The following PTPRT variants were observed in gnomAD, a reference collection of about 807,000 sequenced individuals.
The protein encoded by PTPRT is receptor-type tyrosine-protein phosphatase T.
A neutral mutation model predicts 176.8 loss-of-function variants in PTPRT; 56 were observed. The observed-to-expected ratio is 0.32, with a 90% CI of 0.26 to 0.40. PTPRT has a LOEUF of 0.40. PTPRT is among the 10% of genes least tolerant of loss of function. PTPRT has a pLI of 1.00. For missense variants in PTPRT, 1,540 were observed against 1,908.2 expected, an observed-to-expected ratio of 0.81 and a Z score of 3.60; for synonymous variants, 783 against 739.0, an observed-to-expected ratio of 1.06 and a Z score of -0.96.
At chr20:42,177,306 T>C (rs1482567515) in intron 16 of PTPRT, among the ~76,000 whole-genome samples, 1 of 152,202 alleles carries the variant, frequency 6.6e-6, no homozygotes, top group Non-Finnish European at 1.5e-5. Context: ...AGTTAAAAGA[T>C]ACAATGTGTT....
At chr20:42,503,111 GT>G (rs1029252178) in intron 7 of PTPRT, among the ~76,000 whole-genome samples, 3 of 151,810 alleles carry the variant, frequency 2.0e-5, no homozygotes, top group Non-Finnish European at 4.4e-5. Context: ...AGTTTGGTGT[GT>G]TTTTTTATGC....
intron 9 of PTPRT, among the ~76,000 whole-genome samples, chr20:42,404,569 G>GTA (rs2058941521): frequency 6.6e-6 from 1 of 152,124 alleles, no homozygotes. Flanking sequence ...AATTCAAGCT[G>GTA]TATGACTTTA....
chr20:42,339,569 T>C (rs2058084810), intron 11 of PTPRT, among the ~76,000 whole-genome samples: 3 of 152,118 alleles, frequency 2.0e-5, no homozygotes, highest in African/African-American at 4.8e-5. Flanking sequence ...CCTGTACAGG[T>C]TCCTTTCTCC....
At chr20:43,179,504 AACTTAGAT>A (rs2015197164) in intron 1 of PTPRT, among the ~76,000 whole-genome samples, 1 of 152,194 alleles carries the variant, frequency 6.6e-6, no homozygotes, top group East Asian at 1.9e-4. Flanking sequence ...GTTTTTGTGG[AACTTAGAT>A]ACCAGTGTAA....
intron 1 of PTPRT, among the ~76,000 whole-genome samples, chr20:42,910,373 C>A (rs1303769600): frequency 2.0e-5 from 3 of 152,204 alleles, no homozygotes; most frequent in African/African-American, 7.2e-5. Flanking sequence ...AAACAGCAAC[C>A]AGCTCAGTGG....
chr20:43,145,789 C>T (rs2014150970), intron 1 of PTPRT, among the ~76,000 whole-genome samples: 1 of 152,172 alleles, frequency 6.6e-6, no homozygotes, highest in Admixed American at 6.5e-5. Flanking sequence ...TACAATGTGT[C>T]TAATTATAAC....
intron 13 of PTPRT, among the ~76,000 whole-genome samples, chr20:42,256,522 A>G (rs1272687565): frequency 6.6e-6 from 1 of 151,916 alleles, no homozygotes; most frequent in Non-Finnish European, 1.5e-5. Flanking sequence ...AATGTATTTC[A>G]GATACTTTAC....
chr20:42,279,081 T>C (rs1463057422), intron 13 of PTPRT, among the ~76,000 whole-genome samples: 4 of 152,066 alleles, frequency 2.6e-5, no homozygotes, highest in African/African-American at 9.7e-5. Context: ...CCTTTCAGAG[T>C]CTGAATAATA....
intron 7 of PTPRT, among the ~76,000 whole-genome samples, chr20:42,523,063 G>A (rs995311189): frequency 1.3e-5 from 2 of 152,042 alleles, no homozygotes; most frequent in Non-Finnish European, 2.9e-5. Context: ...AGAGTCCACA[G>A]GGCCTAGACT....
In PTPRT at chr20:43,044,885, T is replaced by C. The variant is rs186088915; in HGVS notation, c.88+144761A>G. Among the ~76,000 whole-genome samples the C allele has an allele frequency of 2.1e-4, 32 of 152,344 alleles. No individual in the cohort carries two copies. In the East Asian group the frequency reaches 4.6e-3, roughly 22 times the overall value. ...GCTGCAGTGTAAAGGCTTTTTGCTT[T>C]TAACTACTCAAAATCAAATTGGTAT... On this transcript the variant is annotated intron_variant, in intron 1 of 30. Transcript: ENST00000373187.
intron 1 of PTPRT, among the ~76,000 whole-genome samples, chr20:43,109,830 C>T (rs112952740): frequency 0.012 from 1,780 of 152,146 alleles, 27 homozygotes; most frequent in Non-Finnish European, 0.019. Context: ...TAAGTATGTG[C>T]AAAGGTCCTG....
At chr20:42,103,161 G>A (rs1381473985) in intron 25 of PTPRT, among the ~76,000 whole-genome samples, 1 of 152,192 alleles carries the variant, frequency 6.6e-6, no homozygotes, top group Non-Finnish European at 1.5e-5. Context: ...CTGGTCTTGG[G>A]ATAAAGGGCT....
intron 1 of PTPRT, among the ~76,000 whole-genome samples, chr20:43,055,959 G>A (rs754924748): frequency 9.2e-5 from 14 of 152,160 alleles, no homozygotes; most frequent in Non-Finnish European, 2.9e-5. Flanking sequence ...CCATGTGTCC[G>A]AAACCAGTAA....
At chr20:42,035,666 C>A in the PTPRT span, among the ~76,000 whole-genome samples, 2 of 152,154 alleles carry the variant, frequency 1.3e-5, no homozygotes, top group Non-Finnish European at 2.9e-5. Flanking sequence ...CCACTTTCCT[C>A]TGGTCAGTAA....
At chr20:42,699,150 G>A (rs928982897) in intron 6 of PTPRT, among the ~76,000 whole-genome samples, 4 of 152,034 alleles carry the variant, frequency 2.6e-5, no homozygotes, top group Non-Finnish European at 4.4e-5. Flanking sequence ...ATACTCCCAC[G>A]GAATCCTTAG....
chr20:42,383,287 G>A (rs2058713533), intron 9 of PTPRT, among the ~76,000 whole-genome samples: 1 of 152,138 alleles, frequency 6.6e-6, no homozygotes, highest in Non-Finnish European at 1.5e-5. Flanking sequence ...ATTTTTGAGG[G>A]TAGACATTCT....
intron 2 of PTPRT, among the ~76,000 whole-genome samples, chr20:42,833,568 G>T (rs1005811333): frequency 1.3e-5 from 2 of 151,522 alleles, no homozygotes; most frequent in Non-Finnish European, 2.9e-5. Context: ...AGATGACAAA[G>T]CGAGGCCCCA....
intron 11 of PTPRT, among the ~76,000 whole-genome samples, chr20:42,328,860 A>G (rs1253461074): frequency 1.3e-5 from 2 of 152,202 alleles, no homozygotes; most frequent in East Asian, 3.8e-4. Context: ...AGGACATAAA[A>G]TTATCATTAT....
chr20:42,990,056 C>T (rs183070592), intron 1 of PTPRT, among the ~76,000 whole-genome samples: 1 of 152,156 alleles, frequency 6.6e-6, no homozygotes, highest in African/African-American at 2.4e-5. Flanking sequence ...AAAAATGTGC[C>T]TAAGTATCAT....
Sources: allele counts gnomAD v4.1 joint callset (sites outside exome capture counted in the v4.1 genomes callset), GRCh38; gene constraint gnomAD v4.1.1; transcripts MANE v1.5; gene names NCBI Gene and HGNC (gene_info 2026-07-23, HGNC 2026-07-21).